The following LRRC75A variants were observed in gnomAD, a reference collection of about 807,000 sequenced individuals.
The protein encoded by LRRC75A is leucine rich repeat containing 75A, also known as leucine-rich repeat-containing protein 75A.
LRRC75A carries 12 observed loss-of-function variants against 26.0 expected under a neutral mutation model. The observed-to-expected ratio is 0.46, with a 90% confidence interval of 0.30 to 0.75. The LOEUF is 0.75. LRRC75A is among the 30% of genes least tolerant of loss of function. LRRC75A has a pLI of 0.08. For synonymous variants in LRRC75A, 223 were observed against 219.3 expected (o/e 1.02, Z -0.15); for missense variants, 410 against 486.6 (o/e 0.84, Z 1.48).
At chr17:16,448,273 A>C in intron 2 of LRRC75A, 1 of 395,080 alleles carries the variant, frequency 2.5e-6, no homozygotes, top group Non-Finnish European at 4.9e-6. Flanking sequence ...ACTCACCATG[A>C]TCCCTGCCAC....
chr17:16,450,452 C>T (rs2093622338), intron 2 of LRRC75A, among the ~76,000 whole-genome samples: 1 of 101,324 alleles, frequency 9.9e-6, no homozygotes, highest in Middle Eastern at 4.6e-3. Flanking sequence ...CCCCAGCTTC[C>T]TGGTGCCTGG....
rs572214439 is a variant in LRRC75A at position 16,491,382 on chromosome 17, G to A, written c.246+363C>T. Among the ~76,000 whole-genome samples the A allele has an allele frequency of 6.6e-6, 1 of 152,326 alleles. No homozygotes were observed. Among genetic ancestry groups the A allele is most frequent in the African/African-American group, 2.4e-5 (1 of 41,574 alleles). On this transcript the variant is annotated intron_variant, in intron 1 of 3. Coordinates refer to ENST00000470794, the MANE Select transcript of LRRC75A (RefSeq NM_001113567.3). This position sits in a 1 kb window ranked among gnomAD's most constrained non-coding sequence, Gnocchi z 5.9. ...CTCGGCCGGGAGTGACTGCCAGTGG[G>A]CAGACAGGAAGAAAAGAGCCCTGGC...
At chr17:16,453,199 G>A (rs577786786) in intron 2 of LRRC75A, among the ~76,000 whole-genome samples, 45 of 152,256 alleles carry the variant, frequency 3.0e-4, no homozygotes, top group African/African-American at 1.1e-3. Flanking sequence ...TGTGGCAGGA[G>A]AATCGCTTGA....
chr17:16,460,026 C>A (rs1034661174), intron 2 of LRRC75A, among the ~76,000 whole-genome samples: 2 of 152,180 alleles, frequency 1.3e-5, no homozygotes, highest in Admixed American at 6.5e-5. Context: ...GAAACCTAAT[C>A]CCCAGGGTGA....
rs1221060610 is a variant in LRRC75A at position 16,447,965 on chromosome 17, A to G, written c.376-5T>C. 3 of 1,550,690 alleles carry G rather than the reference A, an allele frequency of 1.9e-6. No homozygotes were observed. Among genetic ancestry groups the G allele is most frequent in the Non-Finnish European group, 1.7e-6 (2 of 1,146,684 alleles). On this transcript the variant is annotated splice_polypyrimidine_tract_variant and splice_region_variant and intron_variant, in intron 2 of 3. Transcript: ENST00000470794. ...GGCGCCCAGTGCATCGCCTTCCTGC[A>G]GAGGCAACCATGGGTGGTAGGGCCC...
chr17:16,474,551 T>C (rs1203391797), intron 1 of LRRC75A, among the ~76,000 whole-genome samples: 1 of 152,008 alleles, frequency 6.6e-6, no homozygotes, highest in Non-Finnish European at 1.5e-5. Flanking sequence ...ATTCCACAAA[T>C]TCTCAGCACT....
At chr17:16,453,945 A>C (rs2093655986) in intron 2 of LRRC75A, among the ~76,000 whole-genome samples, 1 of 152,172 alleles carries the variant, frequency 6.6e-6, no homozygotes, top group African/African-American at 2.4e-5. Context: ...AGACCATTCC[A>C]GAGGGGTAGG....
chr17:16,476,792 G>A (rs1248150552), intron 1 of LRRC75A, among the ~76,000 whole-genome samples: 1 of 133,988 alleles, frequency 7.5e-6, no homozygotes, highest in East Asian at 2.3e-4. Context: ...AGGCTGGAGT[G>A]CAGTAGCACA....
At chr17:16,445,764 T>G (rs554408953) in intron 3 of LRRC75A, among the ~76,000 whole-genome samples, 1 of 152,356 alleles carries the variant, frequency 6.6e-6, no homozygotes, top group South Asian at 2.1e-4. Context: ...GGTGCTATTA[T>G]CAATGTCATT....
At chr17:16,484,082 A>G (rs2093840744) in intron 1 of LRRC75A, among the ~76,000 whole-genome samples, 1 of 152,160 alleles carries the variant, frequency 6.6e-6, no homozygotes, top group Admixed American at 6.5e-5. Context: ...TCACGCTTGT[A>G]ATCCCAGCAC....
At chr17:16,486,486 C>T (rs1303170297) in intron 1 of LRRC75A, among the ~76,000 whole-genome samples, 1 of 152,198 alleles carries the variant, frequency 6.6e-6, no homozygotes, top group Non-Finnish European at 1.5e-5. Context: ...GCATCTTTAT[C>T]ACTGGAAAAG....
chr17:16,451,963 G>A (rs1304103956), intron 2 of LRRC75A, among the ~76,000 whole-genome samples: 1 of 150,944 alleles, frequency 6.6e-6, no homozygotes, highest in Non-Finnish European at 1.5e-5. Flanking sequence ...TAGCGAGGAT[G>A]GTCTCGATCT....
chr17:16,483,296 T>C (rs1226238824), intron 1 of LRRC75A, among the ~76,000 whole-genome samples: 1 of 152,218 alleles, frequency 6.6e-6, no homozygotes, highest in African/African-American at 2.4e-5. Flanking sequence ...TTCTGGCCTC[T>C]GCCCCTGGCA....
At position 16,462,401 on chromosome 17, in the gene LRRC75A, G is replaced by A. The variant is rs2093734772; in HGVS notation, c.247-15C>T. 2 of 1,613,496 alleles carry A rather than the reference G, an allele frequency of 1.2e-6. No individual in the cohort carries two copies. The highest frequency in any genetic ancestry group is 8.5e-7 in the Non-Finnish European group (1 of 1,179,988). On this transcript the variant is annotated splice_polypyrimidine_tract_variant and intron_variant, in intron 1 of 3. Transcript: ENST00000470794. The surrounding 1 kb of genome is among the most constrained non-coding windows in gnomAD (Gnocchi z 4.6). ...ATGCCCAGGTCCTGCAAGAGCAAAG[G>A]ATGCCCAGAGGTCAGGGCTGGCTGC...
intron 1 of LRRC75A, among the ~76,000 whole-genome samples, chr17:16,467,279 G>C (rs1327474191): frequency 6.6e-6 from 1 of 152,164 alleles, no homozygotes. Flanking sequence ...TCAGCCTCCA[G>C]AGTAGCTGGG....
chr17:16,464,745 T>A (rs2093754914), intron 1 of LRRC75A, among the ~76,000 whole-genome samples: 1 of 152,126 alleles, frequency 6.6e-6, no homozygotes, highest in Non-Finnish European at 1.5e-5. Context: ...GGCCTCATGG[T>A]CAGGAGGGTG....
At chr17:16,483,271 C>G (rs1288979963) in intron 1 of LRRC75A, among the ~76,000 whole-genome samples, 1 of 152,232 alleles carries the variant, frequency 6.6e-6, no homozygotes, top group East Asian at 1.9e-4. Context: ...GTGTGAAAGT[C>G]TGCAGGTTCC....
At chr17:16,453,153 G>A (rs1313852942) in intron 2 of LRRC75A, among the ~76,000 whole-genome samples, 1 of 152,136 alleles carries the variant, frequency 6.6e-6, no homozygotes, top group Non-Finnish European at 1.5e-5. Context: ...GCCAGGCGTA[G>A]TCGTGGGTGC....
rs965836812 is a variant in LRRC75A, at chr17:16,451,895, C to T, written c.376-3935G>A. ...CAGTAGCTGGGACTACAGGCGCCCG[C>T]CAACATGCCCGGCTAATTTTTTTGC... On this transcript the variant is annotated intron_variant, in intron 2 of 3. Transcript: ENST00000470794. Among the ~76,000 whole-genome samples, 6 of 149,022 alleles carry T rather than the reference C, an allele frequency of 4.0e-5. No individual in the cohort carries two copies. In the East Asian group the frequency reaches 1.0e-3, roughly 25 times the overall value.
Sources: allele counts gnomAD v4.1 joint callset (sites outside exome capture counted in the v4.1 genomes callset), GRCh38; gene constraint gnomAD v4.1.1; non-coding constraint Gnocchi (gnomAD v3.1); transcripts MANE v1.5; gene names NCBI Gene and HGNC (gene_info 2026-07-23, HGNC 2026-07-21).